Variants in TNNI3K observed in about 807,000 individuals in gnomAD.
TNNI3K encodes the protein serine/threonine-protein kinase TNNI3K.
In TNNI3K, 140 loss-of-function variants were observed where a neutral mutation model predicts 114.5. The observed-to-expected ratio is 1.22, with a 90% CI of 1.07 to 1.41. The LOEUF (loss-of-function observed/expected upper bound fraction) is 1.41. TNNI3K is among the 40% of genes most tolerant of loss of function. TNNI3K has a pLI of 0.00. For missense variants in TNNI3K, 1,125 were observed against 1,007.6 expected (o/e 1.12, Z -1.58); for synonymous variants, 347 against 347.5 (o/e 1.00, Z 0.02).
chr1:74,250,830 G>GAT, intron 4 of TNNI3K, 61 bp downstream of exon 4: 2 of 1,025,360 alleles, frequency 2.0e-6, no homozygotes, highest in Non-Finnish European at 2.6e-6. Flanking sequence ...GTATCTTTAG[G>GAT]CTTTTTTTTT....
intron 23 of TNNI3K, among the ~76,000 whole-genome samples, chr1:74,520,148 C>T (rs1646409953): frequency 5.1e-5 from 2 of 39,172 alleles, no homozygotes; most frequent in Non-Finnish European, 1.1e-4. Flanking sequence ...TTATCCCATA[C>T]CCCCTTTCCA....
chr1:74,307,707 G>A (rs534484149), intron 5 of TNNI3K, among the ~76,000 whole-genome samples: 13 of 152,248 alleles, frequency 8.5e-5, no homozygotes, highest in Middle Eastern at 3.4e-3. Context: ...ACGGCCAGGC[G>A]TGGTGGCTTA....
At chr1:74,347,119 T>A (rs1414244937) in intron 9 of TNNI3K, among the ~76,000 whole-genome samples, 1 of 151,248 alleles carries the variant, frequency 6.6e-6, no homozygotes, top group African/African-American at 2.4e-5. Context: ...CATTTATCAT[T>A]ACGTATATCT....
In TNNI3K at chr1:74,474,475, A is replaced by C. The variant is rs144117179; in HGVS notation, c.2121+10925A>C. 2.0e-5 allele frequency among the ~76,000 whole-genome samples: 3 copies of C among 152,236 alleles called. No individual in the cohort carries two copies. The East Asian group carries it at 5.8e-4, about 29-fold the overall frequency. On this transcript the variant is annotated intron_variant, in intron 21 of 24. Coordinates refer to ENST00000326637, the MANE Select transcript of TNNI3K (RefSeq NM_015978.3). ...TCCAGTCGCCCCAAAATGCATCCTT[A>C]GGGCCAGACCCCTGTGGTAAGAATT...
chr1:74,445,509 T>C (rs1666603650), intron 20 of TNNI3K, among the ~76,000 whole-genome samples: 1 of 149,858 alleles, frequency 6.7e-6, no homozygotes, highest in African/African-American at 2.5e-5. Context: ...CTGAGAATGA[T>C]GATTTCCAAT....
chr1:74,496,420 A>T (rs1669328687), intron 23 of TNNI3K, among the ~76,000 whole-genome samples: 1 of 152,114 alleles, frequency 6.6e-6, no homozygotes, highest in South Asian at 2.1e-4. Context: ...TAGCATTATG[A>T]TTTTGAAAAA....
intron 9 of TNNI3K, among the ~76,000 whole-genome samples, chr1:74,348,713 C>T (rs1380712031): frequency 1.3e-5 from 2 of 152,144 alleles, no homozygotes; most frequent in African/African-American, 2.4e-5. Flanking sequence ...AGGTCCTTCA[C>T]ATCCCTTGTA....
intron 21 of TNNI3K, chr1:74,464,739 A>G (rs967480358): frequency 6.4e-7 from 1 of 1,573,530 alleles, no homozygotes; most frequent in African/African-American, 1.3e-5. Context: ...ATCTCAGAAG[A>G]TAACCTCTTA....
chr1:74,524,782 A>C (rs1482787058), intron 23 of TNNI3K, among the ~76,000 whole-genome samples: 2 of 151,296 alleles, frequency 1.3e-5, no homozygotes, highest in East Asian at 1.9e-4. Context: ...AAAAGAAAGG[A>C]AGTAAAGGGG....
chr1:74,432,032 AT>A (rs1214371160), intron 17 of TNNI3K, among the ~76,000 whole-genome samples: 1 of 152,078 alleles, frequency 6.6e-6, no homozygotes, highest in Non-Finnish European at 1.5e-5. Context: ...ACCCTTGAAG[AT>A]GCTTCTGGAG....
intron 5 of TNNI3K, among the ~76,000 whole-genome samples, chr1:74,302,650 ATTACT>A (rs1658397897): frequency 1.3e-5 from 2 of 152,348 alleles, no homozygotes; most frequent in South Asian, 4.1e-4. Context: ...TAGTCACAAC[ATTACT>A]TTAAGCCAAA....
chr1:74,240,220 T>G (rs894275320), intron 2 of TNNI3K: 1 of 206,772 alleles, frequency 4.8e-6, no homozygotes, highest in Non-Finnish European at 1.0e-5. Context: ...TAAAACAAAC[T>G]AATAACTTAG....
At chr1:74,488,356 G>C (rs1340716422) in intron 21 of TNNI3K, among the ~76,000 whole-genome samples, 4 of 152,180 alleles carry the variant, frequency 2.6e-5, no homozygotes, top group Non-Finnish European at 5.9e-5. Flanking sequence ...GGGTGGGCTA[G>C]ATAGTAAGGG....
chr1:74,276,246 A>C (rs1415076149), intron 5 of TNNI3K, among the ~76,000 whole-genome samples: 1 of 152,098 alleles, frequency 6.6e-6, no homozygotes, highest in East Asian at 1.9e-4. Context: ...GGTTTAACGT[A>C]AATTTTTAGA....
intron 5 of TNNI3K, among the ~76,000 whole-genome samples, chr1:74,302,852 T>C (rs533404817): frequency 1.3e-5 from 2 of 152,294 alleles, no homozygotes; most frequent in Non-Finnish European, 2.9e-5. Context: ...GCAAATTATA[T>C]TGAAGACCTG....
At chr1:74,285,038 T>C (rs1323003034) in intron 5 of TNNI3K, among the ~76,000 whole-genome samples, 1 of 152,254 alleles carries the variant, frequency 6.6e-6, no homozygotes, top group Non-Finnish European at 1.5e-5. Flanking sequence ...TGTTCAGAAA[T>C]ATAAAGATTA....
Position 74,511,520 on chromosome 1 carries a change from A to G in TNNI3K, c.2351+19254A>G, listed in dbSNP as rs1194385290. Among the ~76,000 whole-genome samples the G allele has an allele frequency of 2.0e-5, 3 of 152,254 alleles. No individual in the cohort carries two copies. The East Asian group carries it at 5.8e-4, about 29-fold the overall frequency. On this transcript the variant is annotated intron_variant, in intron 23 of 24. Coordinates refer to ENST00000326637, the MANE Select transcript of TNNI3K (RefSeq NM_015978.3). ...CACAAATGTATGTGTCATTTTCCCT[A>G]TTACGCTAGCCTCTTCACTGATCTA...
intron 20 of TNNI3K, among the ~76,000 whole-genome samples, chr1:74,461,456 G>T (rs1327684550): frequency 6.7e-6 from 1 of 149,392 alleles, no homozygotes; most frequent in Non-Finnish European, 1.5e-5. Context: ...CTCCAGCCTG[G>T]GTGACACAGT....
At chr1:74,427,080 C>T (rs990475115) in intron 17 of TNNI3K, among the ~76,000 whole-genome samples, 3 of 152,022 alleles carry the variant, frequency 2.0e-5, no homozygotes, top group East Asian at 3.9e-4. Context: ...CTGTCTGCTA[C>T]ATTTCTGCTA....
Sources: gnomAD v4.1 joint callset for allele counts (sites outside exome capture counted in the v4.1 genomes callset) on GRCh38, gnomAD v4.1.1 for gene constraint, MANE v1.5 for transcripts, NCBI Gene and HGNC (gene_info 2026-07-23, HGNC 2026-07-21) for gene names.